Variants in IRAK1BP1 observed in about 807,000 individuals in gnomAD.
IRAK1BP1 encodes interleukin 1 receptor associated kinase 1 binding protein 1.
In IRAK1BP1, 24 loss-of-function variants were observed where a neutral mutation model predicts 28.0. The ratio of observed to expected loss-of-function variants is 0.86; its 90% confidence interval spans 0.62 to 1.20. The LOEUF (loss-of-function observed/expected upper bound fraction) is 1.20, where lower values mean the gene tolerates loss of function less well. Among genes scored for constraint, IRAK1BP1 ranks in the 50% most tolerant of loss-of-function variants. The pLI, the probability that IRAK1BP1 is intolerant of heterozygous loss-of-function variation, is 0.00. For synonymous variants in IRAK1BP1, 131 were observed against 116.3 expected, an observed-to-expected ratio of 1.13 and a Z score of -0.81; for missense variants, 336 against 316.7, an observed-to-expected ratio of 1.06 and a Z score of -0.46.
intron 2 of IRAK1BP1, among the ~76,000 whole-genome samples, chr6:78,896,383 C>T (rs542445320): frequency 6.8e-6 from 1 of 147,328 alleles, no homozygotes; most frequent in Admixed American, 6.7e-5. Flanking sequence ...GAATACTATT[C>T]AGCATAAAAG....
At chr6:78,976,215 AC>A in the IRAK1BP1 span, among the ~76,000 whole-genome samples, 3 of 148,960 alleles carry the variant, frequency 2.0e-5, no homozygotes, top group Non-Finnish European at 4.5e-5. Context: ...CTCAGAAATA[AC>A]GCCGCATATC....
chr6:78,901,982 A>G lies in IRAK1BP1; in HGVS notation c.*3648A>G, dbSNP rs1772118514. 6.6e-6 allele frequency: 1 copy of G among 152,238 alleles called. No individual in the cohort carries two copies. The highest frequency in any genetic ancestry group is 1.5e-5 in the Non-Finnish European group (1 of 68,042). The allele number at this position is 152,238 out of a possible 1,614,324, so 9.4% of individuals were successfully genotyped here. Reference sequence around the variant, plus strand: ...TTCTTATAGCCTATAAAAAGCATGAATTATGAGATCAAATGTGGGAGTTAC... The same window carrying G: ...TTCTTATAGCCTATAAAAAGCATGAGTTATGAGATCAAATGTGGGAGTTAC... On this transcript the variant is annotated 3_prime_UTR_variant, in exon 4 of 4. Transcript: ENST00000369940.
chr6:78,872,556 C>T (rs1160344900), intron 1 of IRAK1BP1, among the ~76,000 whole-genome samples: 1 of 152,066 alleles, frequency 6.6e-6, no homozygotes, highest in African/African-American at 2.4e-5. Flanking sequence ...TTATATGTAC[C>T]AGTGGAATAT....
At chr6:78,960,318 G>A in the IRAK1BP1 span, among the ~76,000 whole-genome samples, 3 of 152,102 alleles carry the variant, frequency 2.0e-5, no homozygotes, top group Non-Finnish European at 2.9e-5. Context: ...CCAACAATTA[G>A]TGTATGTATA....
At chr6:78,939,346 C>T (rs1773383415) in intron 4 of IRAK1BP1, 1 of 151,606 alleles carries the variant, frequency 6.6e-6, no homozygotes, top group African/African-American at 2.4e-5. Context: ...GACATACCAG[C>T]ATGATAAGGA....
the IRAK1BP1 span, among the ~76,000 whole-genome samples, chr6:78,975,787 GAATAA>G: frequency 1.3e-5 from 2 of 151,410 alleles, no homozygotes; most frequent in East Asian, 3.9e-4. Flanking sequence ...GCTTCAAAGA[GAATAA>G]AATACCTAGG....
At chr6:78,908,776 C>T (rs568571567) in intron 4 of IRAK1BP1, among the ~76,000 whole-genome samples, 33 of 152,306 alleles carry the variant, frequency 2.2e-4, no homozygotes, top group African/African-American at 7.5e-4. Flanking sequence ...AAGCCACCCT[C>T]AGCTGACTCT....
chr6:78,950,376 G>T (rs1157590794), downstream of IRAK1BP1, among the ~76,000 whole-genome samples: 1 of 152,128 alleles, frequency 6.6e-6, no homozygotes, highest in African/African-American at 2.4e-5. Context: ...AGTGAGTTGG[G>T]AATTTTGAGT....
chr6:78,923,870 C>T (rs9448597), intron 4 of IRAK1BP1, among the ~76,000 whole-genome samples: 68,242 of 151,880 alleles, frequency 0.45, 15,964 homozygotes, highest in East Asian at 0.69. Context: ...TTGAAACCAA[C>T]GAGAACAAAG....
intron 4 of IRAK1BP1, chr6:78,940,919 T>C: frequency 6.2e-7 from 1 of 1,613,838 alleles, no homozygotes; most frequent in Middle Eastern, 1.6e-4. Flanking sequence ...TATAGGATCA[T>C]CTATCTTTTT....
chr6:78,944,597 C>T (rs1773702210), intron 4 of IRAK1BP1, among the ~76,000 whole-genome samples: 1 of 152,138 alleles, frequency 6.6e-6, no homozygotes, highest in African/African-American at 2.4e-5. Flanking sequence ...GAAGAGAAGG[C>T]TAGGATGACT....
chr6:78,916,614 T>C (rs1157834925), intron 4 of IRAK1BP1, among the ~76,000 whole-genome samples: 3 of 152,218 alleles, frequency 2.0e-5, no homozygotes, highest in Non-Finnish European at 4.4e-5. Flanking sequence ...ATTCGTTGTG[T>C]TAGTCATTAT....
intron 4 of IRAK1BP1, among the ~76,000 whole-genome samples, chr6:78,925,358 A>T (rs201098622): frequency 5.3e-5 from 8 of 152,202 alleles, no homozygotes; most frequent in African/African-American, 1.7e-4. Context: ...CAAAAGTCTC[A>T]TTCAAGAAAT....
chr6:78,931,864 T>C (rs1773053934), intron 4 of IRAK1BP1, among the ~76,000 whole-genome samples: 1 of 152,208 alleles, frequency 6.6e-6, no homozygotes, highest in Non-Finnish European at 1.5e-5. Flanking sequence ...CATTGGACTC[T>C]TCCTTTCGCA....
exon 5 of IRAK1BP1, chr6:78,946,401 G>A (rs1210562647): frequency 7.2e-7 from 1 of 1,388,866 alleles, no homozygotes; most frequent in African/African-American, 1.5e-5. Context: ...TCATATGATT[G>A]TGAGCCTTTG....
chr6:78,869,921 C>T (rs186827625), intron 1 of IRAK1BP1, among the ~76,000 whole-genome samples: 1 of 152,020 alleles, frequency 6.6e-6, no homozygotes, highest in Admixed American at 6.5e-5. Flanking sequence ...CCAGCCTGAC[C>T]AACATGGTGA....
intron 4 of IRAK1BP1, chr6:78,936,502 T>C (rs1180845836): frequency 6.6e-6 from 1 of 151,928 alleles, no homozygotes; most frequent in Non-Finnish European, 1.5e-5. Flanking sequence ...TATATGCATG[T>C]ACTATATTCC....
intron 4 of IRAK1BP1, among the ~76,000 whole-genome samples, chr6:78,930,234 A>G (rs968180462): frequency 1.3e-5 from 2 of 152,176 alleles, no homozygotes; most frequent in Non-Finnish European, 2.9e-5. Flanking sequence ...AAAGTTTTTT[A>G]TAACAGTAAT....
chr6:78,965,709 T>C, the IRAK1BP1 span: 1 of 1,535,070 alleles, frequency 6.5e-7, no homozygotes, highest in East Asian at 2.3e-5. Flanking sequence ...TTACCATTAT[T>C]AGGTATAAGC....
Sources: allele counts gnomAD v4.1 joint callset (sites outside exome capture counted in the v4.1 genomes callset), GRCh38; gene constraint gnomAD v4.1.1; transcripts MANE v1.5; gene names NCBI Gene and HGNC (gene_info 2026-07-23, HGNC 2026-07-21).